TACR3: variants seen among roughly 807,000 people sequenced by gnomAD.
TACR3 encodes neuromedin-K receptor.
In TACR3, 34 loss-of-function variants were observed where a neutral mutation model predicts 35.0. That is an observed-to-expected ratio of 0.97 (90% CI 0.74 to 1.30). TACR3 has a LOEUF of 1.30. Ranked by LOEUF, TACR3 falls within the 50% of genes most tolerant of loss-of-function variation. TACR3 has a pLI of 0.00. For synonymous variants in TACR3, 233 were observed against 221.1 expected, an observed-to-expected ratio of 1.05 and a Z score of -0.48; for missense variants, 558 against 591.7, an observed-to-expected ratio of 0.94 and a Z score of 0.59.
At chr4:103,689,725 T>C (rs1038320587) in intron 1 of TACR3, among the ~76,000 whole-genome samples, 1 of 151,900 alleles carries the variant, frequency 6.6e-6, no homozygotes, top group Non-Finnish European at 1.5e-5. Flanking sequence ...TACAAGCATA[T>C]GCATGATGGG....
chr4:103,688,330 T>G (rs1237018848), intron 1 of TACR3, among the ~76,000 whole-genome samples: 2 of 152,132 alleles, frequency 1.3e-5, no homozygotes, highest in Non-Finnish European at 2.9e-5. Flanking sequence ...TTCAGGACAC[T>G]GGCATGGGCA....
chr4:103,603,514 A>G (rs775210207), intron 3 of TACR3, among the ~76,000 whole-genome samples: 19 of 152,122 alleles, frequency 1.2e-4, no homozygotes, highest in Non-Finnish European at 2.5e-4. Context: ...ATCCTTTTTT[A>G]TGGCGGCATA....
intron 1 of TACR3, among the ~76,000 whole-genome samples, chr4:103,688,345 C>G (rs1722308202): frequency 6.6e-6 from 1 of 152,070 alleles, no homozygotes; most frequent in African/African-American, 2.4e-5. Context: ...TGGGCAAGGA[C>G]TTCATGTCTA....
At chr4:103,644,528 A>G (rs1725420263) in intron 3 of TACR3, among the ~76,000 whole-genome samples, 1 of 151,844 alleles carries the variant, frequency 6.6e-6, no homozygotes, top group South Asian at 2.1e-4. Flanking sequence ...GTCAAAATAA[A>G]AACTTTTCTC....
intron 3 of TACR3, among the ~76,000 whole-genome samples, chr4:103,606,340 AG>A (rs1426155204): frequency 6.6e-6 from 1 of 152,142 alleles, no homozygotes; most frequent in African/African-American, 2.4e-5. Context: ...ACTTTAAAGT[AG>A]TTTTTTCCAA....
intron 1 of TACR3, among the ~76,000 whole-genome samples, chr4:103,668,095 T>C (rs1444824077): frequency 2.0e-5 from 3 of 151,946 alleles, no homozygotes; most frequent in Non-Finnish European, 2.9e-5. Context: ...GTCTCCCAAA[T>C]TGGTGAATCA....
At position 103,591,702 on chromosome 4, in the gene TACR3, A is replaced by AT; in HGVS notation, c.889-20dup. On this transcript the variant is annotated intron_variant, in intron 3 of 4. Transcript: ENST00000304883. ...TGACAACCTATAAAGAAAAAAAGTCATTTTTGACAAATATAATACTCATAA... is the reference window on the plus strand; with the variant it reads ...TGACAACCTATAAAGAAAAAAAGTCATTTTTTGACAAATATAATACTCATAA... 1.3e-6 allele frequency: 2 copies of AT among 1,595,010 alleles called. No homozygotes were observed. Among genetic ancestry groups the AT allele is most frequent in the Non-Finnish European group, 1.7e-6 (2 of 1,169,918 alleles).
intron 3 of TACR3, among the ~76,000 whole-genome samples, chr4:103,618,505 G>A (rs962692402): frequency 3.3e-5 from 5 of 150,294 alleles, no homozygotes; most frequent in South Asian, 2.1e-4. Context: ...GTTTGAAGTC[G>A]GGTGGTATGA....
At chr4:103,718,966 C>T (rs1225950466) in intron 1 of TACR3, among the ~76,000 whole-genome samples, 162 bp downstream of exon 1, 1 of 152,110 alleles carries the variant, frequency 6.6e-6, no homozygotes, top group African/African-American at 2.4e-5. Flanking sequence ...TTCAGCCACT[C>T]GAGGGCTACA....
chr4:103,606,381 T>A (rs922713163), intron 3 of TACR3, among the ~76,000 whole-genome samples: 2 of 152,172 alleles, frequency 1.3e-5, no homozygotes, highest in African/African-American at 4.8e-5. Flanking sequence ...GGTAGTTGGA[T>A]GGGGATGGCA....
intron 3 of TACR3, among the ~76,000 whole-genome samples, chr4:103,650,646 ATATAT>A (rs1187055678): frequency 0.18 from 13,873 of 77,856 alleles, 1,518 homozygotes; most frequent in African/African-American, 0.28. Context: ...TATATATTTA[ATATAT>A]ATAAATATAT....
chr4:103,632,985 TAAA>T (rs1317186507), intron 3 of TACR3, among the ~76,000 whole-genome samples: 1 of 151,886 alleles, frequency 6.6e-6, no homozygotes, highest in South Asian at 2.1e-4. Flanking sequence ...GTACATATTG[TAAA>T]AAAAAGATTA....
Position 103,643,429 on chromosome 4 carries a change from A to AAGAG in TACR3, c.888+12761_888+12764dup, listed in dbSNP as rs138415563. Among the ~76,000 whole-genome samples, 96 of 148,750 alleles carry AAGAG rather than the reference A, an allele frequency of 6.5e-4. 1 individual carries two copies. Among genetic ancestry groups the AAGAG allele is most frequent in the Non-Finnish European group, 1.2e-3 (78 of 66,854 alleles). ...ACAGAGTGAGACATTGTCTAAAAAA[A>AAGAG]AGAGAGAGAGAGAGAGAGAGAGAGA... On this transcript the variant is annotated intron_variant, in intron 3 of 4. Coordinates refer to ENST00000304883, the MANE Select transcript of TACR3 (RefSeq NM_001059.3).
At chr4:103,708,720 G>A (rs1051150172) in intron 1 of TACR3, among the ~76,000 whole-genome samples, 1 of 152,180 alleles carries the variant, frequency 6.6e-6, no homozygotes, top group African/African-American at 2.4e-5. Flanking sequence ...GCTAAAGGAG[G>A]AAGTTTGAAC....
chr4:103,629,854 A>AC (rs1270659593), intron 3 of TACR3, among the ~76,000 whole-genome samples: 1 of 116,364 alleles, frequency 8.6e-6, no homozygotes, highest in African/African-American at 3.5e-5. Flanking sequence ...GCAAAACAAA[A>AC]AAAAAACAAA....
chr4:103,625,960 A>G (rs1192964577), intron 3 of TACR3, among the ~76,000 whole-genome samples: 1 of 152,208 alleles, frequency 6.6e-6, no homozygotes, highest in Non-Finnish European at 1.5e-5. Flanking sequence ...TGAAGATCCC[A>G]GAGGGATGGA....
At position 103,589,073 on chromosome 4, in the gene TACR3, T is replaced by C. The variant is rs1205657820; in HGVS notation, c.*609A>G. The C allele has an allele frequency of 2.0e-5, 3 of 152,208 alleles. No homozygotes were observed. Among genetic ancestry groups the C allele is most frequent in the Non-Finnish European group, 4.4e-5 (3 of 68,062 alleles). The allele number at this position is 152,208 out of a possible 1,614,324, so 9.4% of individuals were successfully genotyped here. A position where few individuals can be genotyped will look rare whatever the true frequency, so the allele number is the denominator to read the frequency against. ...ACATTTGCCTAATGATTTAACTAGA[T>C]TTCCTTTTCAGTTAAATGCCATGGA... On this transcript the variant is annotated 3_prime_UTR_variant, in exon 5 of 5. Transcript: ENST00000304883.
At chr4:103,629,866 A>AAAAAACAAAG (rs1725012927) in intron 3 of TACR3, among the ~76,000 whole-genome samples, 2 of 137,336 alleles carry the variant, frequency 1.5e-5, no homozygotes, top group Non-Finnish European at 3.2e-5. Flanking sequence ...AAAAACAAAA[A>AAAAAACAAAG]AAAAACAAAA....
chr4:103,624,937 T>C (rs1020539624), intron 3 of TACR3, among the ~76,000 whole-genome samples: 3 of 152,134 alleles, frequency 2.0e-5, no homozygotes, highest in Admixed American at 2.0e-4. Flanking sequence ...GGGTGAATGG[T>C]CTTTCTGGAT....
Sources: allele counts gnomAD v4.1 joint callset (sites outside exome capture counted in the v4.1 genomes callset), GRCh38; gene constraint gnomAD v4.1.1; transcripts MANE v1.5; gene names NCBI Gene and HGNC (gene_info 2026-07-23, HGNC 2026-07-21).